Variants in PID1 observed in about 807,000 individuals in gnomAD.
PID1 encodes the protein phosphotyrosine interaction domain containing 1.
Under a neutral mutation model 19.1 loss-of-function variants are expected in PID1, and 10 were observed. The observed-to-expected ratio is 0.52, with a 90% CI of 0.32 to 0.89. The LOEUF (loss-of-function observed/expected upper bound fraction) is 0.89. Ranked by LOEUF, PID1 falls within the 40% of genes least tolerant of loss-of-function variation. PID1 has a pLI of 0.03. For missense variants in PID1, 248 were observed against 285.3 expected (o/e 0.87, Z 0.94); for synonymous variants, 130 against 116.0 (o/e 1.12, Z -0.78).
chr2:229,049,950 T>C (rs1217617661), intron 2 of PID1, among the ~76,000 whole-genome samples: 1 of 152,200 alleles, frequency 6.6e-6, no homozygotes, highest in Non-Finnish European at 1.5e-5. Flanking sequence ...TAGAAGTATT[T>C]ATATATACAC....
intron 1 of PID1, among the ~76,000 whole-genome samples, chr2:229,157,057 C>T (rs546079810): frequency 6.6e-6 from 1 of 152,258 alleles, no homozygotes; most frequent in South Asian, 2.1e-4. Flanking sequence ...AGCCGGCATA[C>T]ATATACACAC....
chr2:229,205,361 G>T (rs1442610440), intron 1 of PID1, among the ~76,000 whole-genome samples: 2 of 151,900 alleles, frequency 1.3e-5, no homozygotes, highest in Non-Finnish European at 2.9e-5. Flanking sequence ...AAGTAATCTT[G>T]ATTTATTTTT....
chr2:229,156,939 C>G (rs941306017), intron 1 of PID1, among the ~76,000 whole-genome samples: 3 of 152,206 alleles, frequency 2.0e-5, no homozygotes, highest in African/African-American at 7.2e-5. Flanking sequence ...GACCCCTGAT[C>G]ACGCTGCTCC....
At chr2:229,054,277 A>G (rs1453048120) in intron 2 of PID1, among the ~76,000 whole-genome samples, 1 of 152,196 alleles carries the variant, frequency 6.6e-6, no homozygotes, top group East Asian at 1.9e-4. Flanking sequence ...AGATCTGCGT[A>G]AAGCTTGGCT....
intron 2 of PID1, among the ~76,000 whole-genome samples, chr2:229,086,317 A>G (rs1412091525): frequency 6.6e-6 from 1 of 152,150 alleles, no homozygotes; most frequent in Non-Finnish European, 1.5e-5. Context: ...CGCTCAGAAC[A>G]CTTACATTAG....
At chr2:229,084,046 A>G (rs1367335544) in intron 2 of PID1, among the ~76,000 whole-genome samples, 1 of 152,220 alleles carries the variant, frequency 6.6e-6, no homozygotes, top group Admixed American at 6.5e-5. Context: ...TATAAACAGA[A>G]GACACTTGAG....
chr2:229,126,012 A>G (rs1175330253), intron 2 of PID1, among the ~76,000 whole-genome samples: 1 of 152,186 alleles, frequency 6.6e-6, no homozygotes, highest in African/African-American at 2.4e-5. Flanking sequence ...TAATGTGTTT[A>G]CCAGGTCAAT....
intron 1 of PID1, among the ~76,000 whole-genome samples, chr2:229,246,532 G>GC (rs1428709182): frequency 6.6e-6 from 1 of 152,074 alleles, no homozygotes; most frequent in East Asian, 1.9e-4. Context: ...TGAGCTGTGG[G>GC]CACACACACC....
rs577250261 is a variant in PID1 at position 229,034,920 on chromosome 2, A to G, written c.178-8812T>C. ...ATCAAAACTAGGCCACTCATTTTCCACTGAGAAGTCAGTGGCAGTCCCAGA... is the reference window on the plus strand; with the variant it reads ...ATCAAAACTAGGCCACTCATTTTCCGCTGAGAAGTCAGTGGCAGTCCCAGA... On this transcript the variant is annotated intron_variant, in intron 2 of 2. Coordinates refer to ENST00000392055, the MANE Select transcript of PID1 (RefSeq NM_001100818.2). Among the ~76,000 whole-genome samples, 5 of 152,300 alleles carry G rather than the reference A, an allele frequency of 3.3e-5. No homozygotes were observed. In the East Asian group the frequency reaches 9.7e-4, roughly 29 times the overall value.
rs1375061952 is a variant in PID1, at chr2:229,025,803, C to G, written c.483G>C (p.Gln161His). The G allele has an allele frequency of 6.2e-7, 1 of 1,614,140 alleles. No homozygotes were observed. The highest frequency in any genetic ancestry group is 1.3e-5 in the African/African-American group (1 of 74,948). Reference sequence around the variant, plus strand: ...CGCACTCCACGGCGTGGCAGTCCATCTGGTAGGACAGGTCATCATTGATCT... The same window carrying G: ...CGCACTCCACGGCGTGGCAGTCCATGTGGTAGGACAGGTCATCATTGATCT... ...YREINDDLSY[Q>H]MDCHAVECES... The change falls in exon 3 of 3, where the codon CAG becomes CAC. Residue 161 changes from glutamine to histidine, a missense_variant. Physicochemically the swap from Gln to His is conservative, Grantham distance 24 (BLOSUM62 0). Transcript: ENST00000392055.
chr2:229,027,078 C>T (rs1384624362), intron 2 of PID1, among the ~76,000 whole-genome samples: 1 of 151,824 alleles, frequency 6.6e-6, no homozygotes, highest in African/African-American at 2.4e-5. Flanking sequence ...ACTACGAATG[C>T]GAGGAGAGAA....
chr2:229,174,824 C>T (rs937016771), intron 1 of PID1, among the ~76,000 whole-genome samples: 1 of 151,962 alleles, frequency 6.6e-6, no homozygotes, highest in Non-Finnish European at 1.5e-5. Flanking sequence ...AAAGGTAAAC[C>T]GTCCAATTTG....
chr2:229,127,401 T>C (rs1397199763), intron 2 of PID1, among the ~76,000 whole-genome samples: 5 of 152,200 alleles, frequency 3.3e-5, no homozygotes, highest in African/African-American at 1.2e-4. Flanking sequence ...TTATTTCCAG[T>C]AGAGGCTATA....
chr2:229,141,989 C>T (rs1690023865), intron 2 of PID1, among the ~76,000 whole-genome samples: 1 of 149,922 alleles, frequency 6.7e-6, no homozygotes, highest in South Asian at 2.2e-4. Flanking sequence ...GGAGCTGAAA[C>T]ACCCAGGGAT....
At chr2:229,062,406 T>G (rs1694230550) in intron 2 of PID1, among the ~76,000 whole-genome samples, 1 of 152,034 alleles carries the variant, frequency 6.6e-6, no homozygotes, top group Non-Finnish European at 1.5e-5. Context: ...TTGTGTATGT[T>G]GAACCATCCT....
At chr2:229,173,707 G>C (rs1690755770) in intron 1 of PID1, among the ~76,000 whole-genome samples, 1 of 152,176 alleles carries the variant, frequency 6.6e-6, no homozygotes, top group Non-Finnish European at 1.5e-5. Context: ...GAAGCCTAGA[G>C]CTGGTAGTAT....
At chr2:229,031,579 G>T (rs141426723) in intron 2 of PID1, among the ~76,000 whole-genome samples, 114 of 151,500 alleles carry the variant, frequency 7.5e-4, no homozygotes, top group African/African-American at 2.6e-3. Flanking sequence ...GAAAAGGAAA[G>T]AAAAGGAAAG....
intron 2 of PID1, among the ~76,000 whole-genome samples, chr2:229,033,018 G>A (rs1305170959): frequency 1.3e-5 from 2 of 152,106 alleles, no homozygotes; most frequent in Admixed American, 6.6e-5. Flanking sequence ...CTGCATTCAT[G>A]AATCACCATT....
At chr2:229,090,823 C>T (rs1694857260) in intron 2 of PID1, among the ~76,000 whole-genome samples, 2 of 152,172 alleles carry the variant, frequency 1.3e-5, no homozygotes, top group African/African-American at 4.8e-5. Context: ...TGAACATGTA[C>T]TATGTGCCAG....
Sources: gnomAD v4.1 joint callset for allele counts (sites outside exome capture counted in the v4.1 genomes callset) on GRCh38, gnomAD v4.1.1 for gene constraint, MANE v1.5 for transcripts, NCBI Gene and HGNC (gene_info 2026-07-23, HGNC 2026-07-21) for gene names.